COL5A3: variants seen among roughly 807,000 people sequenced by gnomAD.
The protein encoded by COL5A3 is collagen type V alpha 3 chain, also known as collagen alpha-3(V) chain.
Under a neutral mutation model 250.0 loss-of-function variants are expected in COL5A3, and 172 were observed. That is an observed-to-expected ratio of 0.69 (90% confidence interval 0.61 to 0.78). The LOEUF (loss-of-function observed/expected upper bound fraction) is 0.78, where lower values mean the gene tolerates loss of function less well. Ranked by LOEUF, COL5A3 falls within the 30% of genes least tolerant of loss-of-function variation. COL5A3 has a pLI of 0.00. For synonymous variants in COL5A3, 937 were observed against 900.4 expected, an observed-to-expected ratio of 1.04 and a Z score of -0.73; for missense variants, 2,340 against 2,334.4, an observed-to-expected ratio of 1.00 and a Z score of -0.05.
chr19:10,003,333 A>C (rs1187990923), intron 6 of COL5A3, among the ~76,000 whole-genome samples: 1 of 152,108 alleles, frequency 6.6e-6, no homozygotes, highest in Non-Finnish European at 1.5e-5. Context: ...GATGGGAGAG[A>C]TCATAAGATG....
chr19:9,997,040 A>C (rs2145129832), intron 11 of COL5A3: 1 of 529,690 alleles, frequency 1.9e-6, no homozygotes, highest in East Asian at 3.4e-5. Context: ...AGAGGCGAAC[A>C]TAGAGAGATG....
At position 9,962,129 on chromosome 19, in the gene COL5A3, C is replaced by A. The variant is rs985206389; in HGVS notation, c.4851+690G>T. 1.6e-4 allele frequency among the ~76,000 whole-genome samples: 23 copies of A among 148,346 alleles called. 1 individual carries two copies. Among genetic ancestry groups the A allele is most frequent in the Admixed American group, 1.4e-3 (21 of 14,882 alleles). On this transcript the variant is annotated intron_variant, in intron 65 of 66. Coordinates refer to ENST00000264828, the MANE Select transcript of COL5A3 (RefSeq NM_015719.4). ...AATAATGCTTTTTTTTTTTTTGAGA[C>A]GGAATCTCGCTCTGTTGCCCAGGCT...
intron 51 of COL5A3, among the ~76,000 whole-genome samples, chr19:9,971,638 A>C (rs1271687910): frequency 6.6e-6 from 1 of 152,066 alleles, no homozygotes; most frequent in Admixed American, 6.6e-5. Flanking sequence ...ATGCCATTCA[A>C]GTCGAGGTCC....
In COL5A3 at chr19:9,974,324, C is replaced by G. The variant is rs151113761; in HGVS notation, c.3427G>C (p.Val1143Leu). ...GDDGVRGFVGVIGPPGLQGLP... is the reference protein window; with the variant it reads ...GDDGVRGFVGLIGPPGLQGLP... The stretch of plus-strand genomic sequence containing the variant: ...ACCTGCAGTCCAGGAGGGCCAATCA[C>G]CCCCACAAAGCCTCTGACTCCGTCA... The change falls in exon 46 of 67, where the codon GTG becomes CTG. Residue 1143 changes from valine to leucine, a missense_variant. Physicochemically the swap from Val to Leu is conservative, Grantham distance 32. This residue lies in a region of COL5A3 where 1,179 missense variants were observed against 1,162.6 expected (regional missense o/e 1.01). Coordinates refer to ENST00000264828, the MANE Select transcript of COL5A3 (RefSeq NM_015719.4). 142 of 1,612,048 alleles carry G rather than the reference C, an allele frequency of 8.8e-5. No homozygotes were observed. The African/African-American group carries it at 1.8e-3, about 20-fold the overall frequency.
intron 13 of COL5A3, 30 bp from the exon 14 acceptor site, chr19:9,996,292 G>A: frequency 6.4e-7 from 1 of 1,552,450 alleles, no homozygotes; most frequent in South Asian, 1.2e-5. Flanking sequence ...AGAGCTTGGG[G>A]CCTCCCACAA....
At chr19:9,985,789 A>G (rs895282133) in intron 31 of COL5A3, 53 bp downstream of exon 31, 2 of 1,495,682 alleles carry the variant, frequency 1.3e-6, no homozygotes, top group African/African-American at 1.4e-5. Context: ...CCCAGATGTT[A>G]GTCTCTGAAT....
intron 63 of COL5A3, 49 bp downstream of exon 63, chr19:9,966,487 C>A (rs1005064639): frequency 3.2e-6 from 5 of 1,556,374 alleles, no homozygotes; most frequent in African/African-American, 2.7e-5. Flanking sequence ...CCCAACCCCC[C>A]CCACACCCCC....
In COL5A3 at chr19:9,960,508, G is replaced by C. The variant is rs199939192; in HGVS notation, c.5141C>G (p.Ala1714Gly). ...CACATCCCACAGGGGCAGAAATCCC[G>C]CTCGAGAAGAGCTGAATTCGAAAAG... Reference protein sequence around the residue: ...KTLFEFSSSRAGFLPLWDVAA... With the variant: ...KTLFEFSSSRGGFLPLWDVAA... Residue 1714 changes from alanine to glycine, a missense_variant, in exon 67 of 67, where the codon GCG becomes GGG. Around this residue, in one of 3 missense-constraint regions of COL5A3, gnomAD observed 1,179 missense variants for 1,162.6 expected, o/e 1.01. Transcript: ENST00000264828. The C allele has an allele frequency of 6.2e-7, 1 of 1,614,188 alleles. No homozygotes were observed. The highest frequency in any genetic ancestry group is 2.2e-5 in the East Asian group (1 of 44,878).
chr19:10,007,896 C>T (rs1461668191), intron 1 of COL5A3, among the ~76,000 whole-genome samples: 1 of 151,928 alleles, frequency 6.6e-6, no homozygotes, highest in Non-Finnish European at 1.5e-5. Context: ...TCTTTCCAGG[C>T]CTCCATCTGT....
chr19:10,006,397 C>A (rs1484260966), intron 1 of COL5A3, among the ~76,000 whole-genome samples, 166 bp from the exon 2 acceptor site: 1 of 151,940 alleles, frequency 6.6e-6, no homozygotes, highest in Admixed American at 6.6e-5. Context: ...GCCCCCAGCA[C>A]CCCCCGCCTC....
Position 9,992,883 on chromosome 19 carries a change from G to A in COL5A3, c.1795-3C>T. 1 of 1,613,938 alleles carries A rather than the reference G, an allele frequency of 6.2e-7. No homozygotes were observed. Among genetic ancestry groups the A allele is most frequent in the Non-Finnish European group, 8.5e-7 (1 of 1,179,846 alleles). ...GGGCCAAGCAGTCCTCGTGGACCCT[G>A]CAAGGGAGCAGGCGAATTATTTCCA... On this transcript the variant is annotated splice_polypyrimidine_tract_variant and splice_region_variant and intron_variant, in intron 20 of 66. Transcript: ENST00000264828.
intron 1 of COL5A3, 104 bp downstream of exon 1, chr19:10,010,194 C>G (rs2087509231): frequency 3.6e-6 from 3 of 835,860 alleles, no homozygotes; most frequent in Admixed American, 8.6e-5. Flanking sequence ...ACGCGGCGCC[C>G]ACGCCCTTCC....
At chr19:9,990,268 C>T (rs1388907536) in intron 24 of COL5A3, among the ~76,000 whole-genome samples, 1 of 151,160 alleles carries the variant, frequency 6.6e-6, no homozygotes, top group Non-Finnish European at 1.5e-5. Flanking sequence ...GTGGTGGGCA[C>T]CTGTAATCCC....
chr19:9,978,668 G>T (rs1045752619), intron 40 of COL5A3, 41 bp from the exon 41 acceptor site: 3 of 1,368,242 alleles, frequency 2.2e-6, no homozygotes, highest in Non-Finnish European at 3.0e-6. Flanking sequence ...ACTCCCAAAG[G>T]TGTCCCCAGG....
At chr19:10,004,663 T>C (rs1204859745) in intron 4 of COL5A3, among the ~76,000 whole-genome samples, 1 of 152,102 alleles carries the variant, frequency 6.6e-6, no homozygotes, top group Admixed American at 6.5e-5. Flanking sequence ...CCTACTTGGC[T>C]TGTTGTGGGA....
intron 65 of COL5A3, among the ~76,000 whole-genome samples, chr19:9,961,627 C>G (rs941359435): frequency 1.6e-4 from 23 of 146,902 alleles, no homozygotes; most frequent in African/African-American, 5.6e-4. Context: ...GGCATGGTCT[C>G]AGCTCACTGC....
chr19:10,001,395 C>T, intron 8 of COL5A3, 129 bp downstream of exon 8: 1 of 876,906 alleles, frequency 1.1e-6, no homozygotes, highest in Non-Finnish European at 1.7e-6. Context: ...GATCTGCCCA[C>T]CTAGGTCTCC....
intron 21 of COL5A3, 133 bp downstream of exon 21, chr19:9,992,694 C>T: frequency 1.2e-6 from 1 of 845,326 alleles, no homozygotes; most frequent in Non-Finnish European, 1.9e-6. Flanking sequence ...TGAGAATCAC[C>T]TGAACCCAGG....
intron 31 of COL5A3, among the ~76,000 whole-genome samples, chr19:9,983,814 CA>C (rs1483499054): frequency 7.0e-6 from 1 of 142,658 alleles, no homozygotes; most frequent in Non-Finnish European, 1.5e-5. Context: ...AGTTGTCCAT[CA>C]AAACTAAGCT....
Sources: gnomAD v4.1 joint callset for allele counts (sites outside exome capture counted in the v4.1 genomes callset) on GRCh38, gnomAD v4.1.1 for gene constraint, gnomAD v4.1.1 regional missense constraint, MANE v1.5 for transcripts, NCBI Gene and HGNC (gene_info 2026-07-23, HGNC 2026-07-21) for gene names.